Variants in CDYL2 observed in about 807,000 individuals in gnomAD.
The protein encoded by CDYL2 is chromodomain Y like 2, also known as chromodomain Y-like protein 2.
In CDYL2, 23 loss-of-function variants were observed where a neutral mutation model predicts 49.4. The ratio of observed to expected loss-of-function variants is 0.47; its 90% confidence interval spans 0.34 to 0.66. The LOEUF (loss-of-function observed/expected upper bound fraction) is 0.66. Ranked by LOEUF, CDYL2 falls within the 30% of genes least tolerant of loss-of-function variation. The probability of loss-of-function intolerance (pLI) is 0.01; values close to 1 mark genes in which losing one functional copy is unlikely to be tolerated. For synonymous variants in CDYL2, 360 were observed against 268.8 expected, an observed-to-expected ratio of 1.34 and a Z score of -3.32; for missense variants, 678 against 656.4, an observed-to-expected ratio of 1.03 and a Z score of -0.36.
At chr16:80,767,201 G>T (rs1479261003) in intron 1 of CDYL2, among the ~76,000 whole-genome samples, 1 of 152,126 alleles carries the variant, frequency 6.6e-6, no homozygotes, top group East Asian at 1.9e-4. Flanking sequence ...CAGCAAATAT[G>T]TAGACAGATT....
At chr16:80,779,170 G>C (rs74030430) in intron 1 of CDYL2, among the ~76,000 whole-genome samples, 1 of 151,920 alleles carries the variant, frequency 6.6e-6, no homozygotes. Context: ...ACATTAATCT[G>C]CCATAAATGT....
At chr16:80,717,704 T>A (rs928866174) in intron 1 of CDYL2, among the ~76,000 whole-genome samples, 1 of 152,228 alleles carries the variant, frequency 6.6e-6, no homozygotes, top group Non-Finnish European at 1.5e-5. Flanking sequence ...AAGGCCCCTG[T>A]CCTTGGGAAG....
intron 1 of CDYL2, among the ~76,000 whole-genome samples, chr16:80,701,179 A>G (rs888545857): frequency 1.3e-5 from 2 of 152,254 alleles, no homozygotes; most frequent in African/African-American, 4.8e-5. Flanking sequence ...ATCAAAGTAG[A>G]ACCTCTACAT....
At chr16:80,743,910 T>C (rs1267933018) in intron 1 of CDYL2, among the ~76,000 whole-genome samples, 3 of 152,130 alleles carry the variant, frequency 2.0e-5, no homozygotes, top group African/African-American at 7.2e-5. Context: ...AAGAGATCAC[T>C]TAGTGGTTGC....
chr16:80,601,993 C>T lies in CDYL2; in HGVS notation c.*2395G>A, dbSNP rs1028175055. ...GATCTAAAGGAATTTCTAAACATCCCCTTCCATGTCCAAGGAGAATCCTGA... is the reference window on the plus strand; with the variant it reads ...GATCTAAAGGAATTTCTAAACATCCTCTTCCATGTCCAAGGAGAATCCTGA... On this transcript the variant is annotated 3_prime_UTR_variant, in exon 7 of 7. Transcript: ENST00000570137. 1.3e-5 allele frequency: 2 copies of T among 152,164 alleles called. No individual in the cohort carries two copies. Among genetic ancestry groups the T allele is most frequent in the African/African-American group, 4.8e-5 (2 of 41,446 alleles). The allele number at this position is 152,164 out of a possible 1,614,324, so 9.4% of individuals were successfully genotyped here. A position where few individuals can be genotyped will look rare whatever the true frequency, so the allele number is the denominator to read the frequency against.
chr16:80,666,228 C>T (rs1167522831), intron 2 of CDYL2, among the ~76,000 whole-genome samples: 3 of 152,176 alleles, frequency 2.0e-5, no homozygotes, highest in African/African-American at 7.2e-5. Flanking sequence ...TACCTGCCTG[C>T]TCTTATCAGT....
At chr16:80,763,241 G>T (rs1390668580) in intron 1 of CDYL2, among the ~76,000 whole-genome samples, 3 of 152,306 alleles carry the variant, frequency 2.0e-5, no homozygotes, top group Non-Finnish European at 4.4e-5. Flanking sequence ...AAGGTAATGA[G>T]AACCACAAGT....
At chr16:80,781,902 A>G (rs886587587) in intron 1 of CDYL2, among the ~76,000 whole-genome samples, 1 of 152,090 alleles carries the variant, frequency 6.6e-6, no homozygotes, top group Non-Finnish European at 1.5e-5. Flanking sequence ...CAGTGAAAGC[A>G]GTGCTCAGGG....
intron 1 of CDYL2, among the ~76,000 whole-genome samples, chr16:80,746,819 T>C (rs1905948332): frequency 6.6e-6 from 1 of 152,202 alleles, no homozygotes; most frequent in African/African-American, 2.4e-5. Context: ...CCCATTATTG[T>C]TGGCTGAGCT....
intron 1 of CDYL2, among the ~76,000 whole-genome samples, chr16:80,758,621 C>T (rs973885161): frequency 1.4e-5 from 2 of 148,114 alleles, no homozygotes; most frequent in African/African-American, 2.5e-5. Context: ...CCGCTCACTG[C>T]AAGCTCTGCC....
At chr16:80,754,635 G>C (rs1346077734) in intron 1 of CDYL2, among the ~76,000 whole-genome samples, 5 of 152,180 alleles carry the variant, frequency 3.3e-5, no homozygotes, top group Non-Finnish European at 7.3e-5. Context: ...CTTAGCTGTT[G>C]TAAGCCTTAC....
intron 1 of CDYL2, among the ~76,000 whole-genome samples, chr16:80,760,921 G>A (rs571502568): frequency 6.6e-6 from 1 of 152,138 alleles, no homozygotes; most frequent in South Asian, 2.1e-4. Context: ...ATTAAGGGCC[G>A]GTGCGTCTGT....
intron 1 of CDYL2, among the ~76,000 whole-genome samples, chr16:80,760,855 A>G (rs1906503418): frequency 6.6e-6 from 1 of 151,774 alleles, no homozygotes; most frequent in South Asian, 2.1e-4. Context: ...AATCATAGAA[A>G]CTGAAGGTTG....
rs79782616 is a variant in CDYL2, at chr16:80,777,762, C to T, written c.24+26388G>A. ...TAACCAACTTATTTCTTTCATAAAG[C>T]ATTCCAGAGAAAGCTTAGTTGACAT... On this transcript the variant is annotated intron_variant, in intron 1 of 6. Coordinates refer to ENST00000570137, the MANE Select transcript of CDYL2 (RefSeq NM_152342.4). Among the ~76,000 whole-genome samples, 197 of 152,098 alleles carry T rather than the reference C, an allele frequency of 1.3e-3. 3 individuals carry two copies. The East Asian group carries it at 0.025, about 20-fold the overall frequency.
chr16:80,655,911 G>A (rs1471564662), intron 2 of CDYL2, among the ~76,000 whole-genome samples: 2 of 152,178 alleles, frequency 1.3e-5, no homozygotes, highest in African/African-American at 4.8e-5. Flanking sequence ...GCAACAAGCT[G>A]GCAGGGAAGA....
At chr16:80,754,898 A>G (rs2142567957) in intron 1 of CDYL2, among the ~76,000 whole-genome samples, 1 of 152,258 alleles carries the variant, frequency 6.6e-6, no homozygotes, top group Middle Eastern at 3.4e-3. Flanking sequence ...GGGAAGGTAG[A>G]CATTTGCTGT....
At chr16:80,802,237 C>T (rs1434571136) in intron 1 of CDYL2, among the ~76,000 whole-genome samples, 1 of 152,166 alleles carries the variant, frequency 6.6e-6, no homozygotes, top group African/African-American at 2.4e-5. Flanking sequence ...ACTGATGACT[C>T]CTAGTACATC....
At chr16:80,736,869 G>A (rs1157826447) in intron 1 of CDYL2, among the ~76,000 whole-genome samples, 2 of 152,204 alleles carry the variant, frequency 1.3e-5, no homozygotes, top group Non-Finnish European at 2.9e-5. Flanking sequence ...CATTTGAACT[G>A]TTCACTTGCA....
intron 2 of CDYL2, among the ~76,000 whole-genome samples, chr16:80,674,209 T>A (rs1224506049): frequency 1.3e-5 from 2 of 152,144 alleles, no homozygotes; most frequent in African/African-American, 4.8e-5. Context: ...GGCACTGTGG[T>A]TCCATTCCAG....
Sources: gnomAD v4.1 joint callset for allele counts (sites outside exome capture counted in the v4.1 genomes callset) on GRCh38, gnomAD v4.1.1 for gene constraint, MANE v1.5 for transcripts, NCBI Gene and HGNC (gene_info 2026-07-23, HGNC 2026-07-21) for gene names.